THSD7B: variants seen among roughly 807,000 people sequenced by gnomAD.
THSD7B encodes thrombospondin type 1 domain containing 7B, also known as thrombospondin type-1 domain-containing protein 7B.
A neutral mutation model predicts 213.6 loss-of-function variants in THSD7B; 138 were observed. That is an observed-to-expected ratio of 0.65 (90% confidence interval 0.56 to 0.74). The LOEUF (loss-of-function observed/expected upper bound fraction) is 0.74, where lower values mean the gene tolerates loss of function less well. Among genes scored for constraint, THSD7B ranks in the 30% least tolerant of loss-of-function variants. THSD7B has a pLI of 0.00. For synonymous variants in THSD7B, 742 were observed against 687.0 expected (o/e 1.08, Z -1.25); for missense variants, 1,931 against 1,991.5 (o/e 0.97, Z 0.58).
chr2:137,177,908 TA>T (rs1308022891), intron 7 of THSD7B, among the ~76,000 whole-genome samples: 6 of 151,868 alleles, frequency 4.0e-5, no homozygotes, highest in Non-Finnish European at 8.8e-5. Flanking sequence ...CCATCTCTAC[TA>T]AAAATACAGA....
chr2:137,431,108 A>G (rs1171832561), intron 14 of THSD7B, among the ~76,000 whole-genome samples: 1 of 152,206 alleles, frequency 6.6e-6, no homozygotes. Flanking sequence ...CATGTGCCCA[A>G]GGTGGTCAGG....
intron 15 of THSD7B, among the ~76,000 whole-genome samples, chr2:137,556,551 A>C (rs1345221859): frequency 1.3e-5 from 2 of 152,182 alleles, no homozygotes; most frequent in Admixed American, 1.3e-4. Context: ...AGCACTAAAC[A>C]TGGAAAGGAA....
chr2:136,966,952 A>G (rs1032730247), intron 2 of THSD7B, among the ~76,000 whole-genome samples: 2 of 152,120 alleles, frequency 1.3e-5, no homozygotes, highest in African/African-American at 4.8e-5. Context: ...TAAACTCTGT[A>G]TCATTTATTG....
chr2:137,251,109 C>T (rs2105073146), intron 10 of THSD7B, among the ~76,000 whole-genome samples: 1 of 152,264 alleles, frequency 6.6e-6, no homozygotes, highest in Non-Finnish European at 1.5e-5. Context: ...TTAGTAAATC[C>T]ATGTCAAATA....
intron 2 of THSD7B, among the ~76,000 whole-genome samples, chr2:136,929,892 A>C (rs1573716649): frequency 6.6e-6 from 1 of 152,326 alleles, no homozygotes; most frequent in East Asian, 1.9e-4. Flanking sequence ...ATAAACGTTG[A>C]ATTAGAAACA....
At chr2:137,466,485 GT>G (rs779819610) in intron 15 of THSD7B, among the ~76,000 whole-genome samples, 44 of 151,072 alleles carry the variant, frequency 2.9e-4, no homozygotes, top group African/African-American at 2.7e-4. Flanking sequence ...TTATGAGATG[GT>G]TTTTTTTTAT....
At chr2:137,034,340 G>A (rs749886431) in intron 2 of THSD7B, among the ~76,000 whole-genome samples, 26 of 152,126 alleles carry the variant, frequency 1.7e-4, no homozygotes, top group Middle Eastern at 6.8e-3. Flanking sequence ...TCTTGACCTC[G>A]TGATCTGCCC....
chr2:136,909,750 T>C (rs1367785300), intron 2 of THSD7B, among the ~76,000 whole-genome samples: 3 of 152,248 alleles, frequency 2.0e-5, no homozygotes, highest in Non-Finnish European at 4.4e-5. Context: ...TTGAAATTAC[T>C]AAATCAGTAC....
At chr2:137,312,707 T>G (rs1683950277) in intron 12 of THSD7B, among the ~76,000 whole-genome samples, 1 of 147,704 alleles carries the variant, frequency 6.8e-6, no homozygotes, top group South Asian at 2.2e-4. Context: ...GTATGTTGTG[T>G]CTTTGTTCTC....
intron 2 of THSD7B, among the ~76,000 whole-genome samples, chr2:137,009,147 G>A (rs1450282097): frequency 6.6e-6 from 1 of 152,176 alleles, no homozygotes; most frequent in Non-Finnish European, 1.5e-5. Flanking sequence ...GAGTGAGGGT[G>A]GGGAAGCATA....
chr2:137,091,256 G>T (rs922534712), intron 3 of THSD7B, among the ~76,000 whole-genome samples: 1 of 152,140 alleles, frequency 6.6e-6, no homozygotes, highest in Non-Finnish European at 1.5e-5. Context: ...TGGGAAGGAT[G>T]AGCAACAGAG....
At chr2:137,028,240 G>C (rs542686644) in intron 2 of THSD7B, among the ~76,000 whole-genome samples, 2 of 152,264 alleles carry the variant, frequency 1.3e-5, no homozygotes, top group East Asian at 3.9e-4. Context: ...ACTCAAGTAT[G>C]AGCATATGGA....
chr2:136,827,384 A>G (rs1181342720), intron 1 of THSD7B, among the ~76,000 whole-genome samples: 2 of 152,208 alleles, frequency 1.3e-5, no homozygotes, highest in Non-Finnish European at 2.9e-5. Flanking sequence ...AGAAGTTTGT[A>G]TGGTCTTAAG....
At chr2:137,241,509 G>T (rs1192056984) in intron 9 of THSD7B, among the ~76,000 whole-genome samples, 1 of 152,196 alleles carries the variant, frequency 6.6e-6, no homozygotes, top group Non-Finnish European at 1.5e-5. Flanking sequence ...TATCAGCAAA[G>T]TAATAAAATC....
chr2:137,453,679 C>T (rs1035986623), intron 15 of THSD7B, among the ~76,000 whole-genome samples: 1 of 152,222 alleles, frequency 6.6e-6, no homozygotes. Context: ...CTATTATTAA[C>T]TACATTTACC....
intron 7 of THSD7B, among the ~76,000 whole-genome samples, chr2:137,207,150 G>A (rs141918374): frequency 1.3e-5 from 2 of 152,074 alleles, no homozygotes; most frequent in African/African-American, 4.8e-5. Flanking sequence ...GGAAGATAAT[G>A]CATCTACTTT....
At chr2:136,852,225 A>G (rs898831044) in intron 1 of THSD7B, among the ~76,000 whole-genome samples, 17 of 151,806 alleles carry the variant, frequency 1.1e-4, no homozygotes. Flanking sequence ...TAGGGAAAGG[A>G]TTCTGAGTTA....
intron 17 of THSD7B, among the ~76,000 whole-genome samples, chr2:137,577,610 C>A (rs905728371): frequency 7.9e-5 from 12 of 152,022 alleles, no homozygotes; most frequent in African/African-American, 2.2e-4. Flanking sequence ...CAACAATTAT[C>A]TACATATGAC....
intron 2 of THSD7B, among the ~76,000 whole-genome samples, chr2:136,940,196 C>G (rs1684797503): frequency 6.6e-6 from 1 of 152,084 alleles, no homozygotes; most frequent in Non-Finnish European, 1.5e-5. Flanking sequence ...TTCCTAATCT[C>G]CAGTGTCTAT....
Sources: allele counts gnomAD v4.1 joint callset (sites outside exome capture counted in the v4.1 genomes callset), GRCh38; gene constraint gnomAD v4.1.1; transcripts MANE v1.5; gene names NCBI Gene and HGNC (gene_info 2026-07-23, HGNC 2026-07-21).